The following DNAH5 variants were observed in gnomAD, a reference collection of about 807,000 sequenced individuals.
The protein encoded by DNAH5 is dynein axonemal heavy chain 5.
Under a neutral mutation model 518.2 loss-of-function variants are expected in DNAH5, and 372 were observed. The ratio of observed to expected loss-of-function variants is 0.72; its 90% CI spans 0.66 to 0.78. DNAH5 has a LOEUF of 0.78. Among genes scored for constraint, DNAH5 ranks in the 30% least tolerant of loss-of-function variants. The pLI is 0.00. For missense variants in DNAH5, 5,523 were observed against 5,687.0 expected, an observed-to-expected ratio of 0.97 and a Z score of 0.93; for synonymous variants, 2,039 against 2,025.9, an observed-to-expected ratio of 1.01 and a Z score of -0.17.
chr5:13,969,412 A>T (rs897401687), intron 1 of DNAH5, among the ~76,000 whole-genome samples: 4 of 151,924 alleles, frequency 2.6e-5, no homozygotes, highest in African/African-American at 9.7e-5. Flanking sequence ...ATCTTAGATT[A>T]TCTATTTGTG....
intron 68 of DNAH5, among the ~76,000 whole-genome samples, chr5:13,730,899 C>T (rs1746444829): frequency 6.6e-6 from 1 of 151,886 alleles, no homozygotes. Context: ...GGGGTTTCTC[C>T]ACGTTTGTCA....
chr5:13,912,033 T>C, intron 11 of DNAH5, among the ~76,000 whole-genome samples: 1 of 152,198 alleles, frequency 6.6e-6, no homozygotes, highest in East Asian at 1.9e-4. Flanking sequence ...AATTGTTTCC[T>C]ACTGCCCTGC....
rs576573475 is a variant in DNAH5, at chr5:13,903,490, A to G, written c.1645-1352T>C. 4.6e-5 allele frequency among the ~76,000 whole-genome samples: 7 copies of G among 152,196 alleles called. No individual in the cohort carries two copies. In the East Asian group the frequency reaches 9.6e-4, roughly 21 times the overall value. On this transcript the variant is annotated intron_variant, in intron 12 of 78. Coordinates refer to ENST00000265104, the MANE Select transcript of DNAH5 (RefSeq NM_001369.3). ...GAAGAAGCACATCAAATTCTGAACAAGAGAAATATGTTTTAATCACACCCA... is the reference window on the plus strand; with the variant it reads ...GAAGAAGCACATCAAATTCTGAACAGGAGAAATATGTTTTAATCACACCCA...
rs571482865 is a variant in DNAH5 at position 13,721,219 on chromosome 5, C to G, written c.12060G>C (p.Met4020Ile). 6.2e-6 allele frequency: 10 copies of G among 1,614,158 alleles called. No individual in the cohort carries two copies. The South Asian group carries it at 1.1e-4, about 18-fold the overall frequency. Reference protein sequence around the residue: ...AQARKYIVDSMGEKYAEGVIL... With the variant: ...AQARKYIVDSIGEKYAEGVIL... ...TAACACCTTCGGCATATTTTTCTCC[C>G]ATGGAGTCCACGATGTACTTGCGGG... The change falls in exon 71 of 79, where the codon ATG becomes ATC. Residue 4020 changes from methionine (M) to isoleucine (I), a missense_variant. By Grantham distance (10) the Met-to-Ile change is conservative (BLOSUM62 1). Transcript: ENST00000265104.
At chr5:13,740,634 A>G (rs904975839) in intron 65 of DNAH5, among the ~76,000 whole-genome samples, 1 of 151,778 alleles carries the variant, frequency 6.6e-6, no homozygotes, top group Non-Finnish European at 1.5e-5. Context: ...CTGCTATTCC[A>G]GGAAACATGC....
chr5:13,971,950 T>C (rs1380539993), intron 1 of DNAH5, among the ~76,000 whole-genome samples: 9 of 152,030 alleles, frequency 5.9e-5, no homozygotes, highest in East Asian at 5.8e-4. Flanking sequence ...TGGGGGGCAG[T>C]GTTAGGCGTG....
At chr5:13,706,581 G>A (rs13169414) in intron 76 of DNAH5, among the ~76,000 whole-genome samples, 63,294 of 152,066 alleles carry the variant, frequency 0.42, 13,290 homozygotes, top group Middle Eastern at 0.46. Context: ...GGGTGTGCAT[G>A]CACATCACAC....
rs1774191350 is a variant in DNAH5 at position 13,898,548 on chromosome 5, T to C, written c.2259+1658A>G. The C allele has an allele frequency of 7.5e-6, 3 of 398,578 alleles. No individual in the cohort carries two copies. In the East Asian group the frequency reaches 1.1e-4, roughly 14 times the overall value. 24.7% of individuals were successfully genotyped at this position (398,578 alleles called of 1,614,324 possible). A position where few individuals can be genotyped will look rare whatever the true frequency, so the allele number is the denominator to read the frequency against. On this transcript the variant is annotated intron_variant, in intron 15 of 78. Coordinates refer to ENST00000265104, the MANE Select transcript of DNAH5 (RefSeq NM_001369.3). ...GTGGGAAGACGATGGACTACAAGTC[T>C]GGGTTCTGGTCTTACTTCTGCCACT...
intron 1 of DNAH5, among the ~76,000 whole-genome samples, chr5:13,997,256 T>G (rs548274664): frequency 6.6e-6 from 1 of 152,372 alleles, no homozygotes; most frequent in African/African-American, 2.4e-5. Context: ...CTTTTCATAT[T>G]TTATTATAAG....
chr5:13,976,722 C>T (rs113475672), intron 1 of DNAH5, among the ~76,000 whole-genome samples: 9 of 131,494 alleles, frequency 6.8e-5, no homozygotes, highest in African/African-American at 2.9e-4. Flanking sequence ...CACACACACA[C>T]ATACACACAC....
At position 13,854,342 on chromosome 5, in the gene DNAH5, C is replaced by A. The variant is rs562707634; in HGVS notation, c.4951-3527G>T. 2.0e-5 allele frequency among the ~76,000 whole-genome samples: 3 copies of A among 152,266 alleles called. No homozygotes were observed. In the South Asian group the frequency reaches 6.2e-4, roughly 32 times the overall value. ...GATGAGGGACTTTGTCAGCACCAGG[C>A]CTGCCTTACAAGAGCTCCTGAAGGA... On this transcript the variant is annotated intron_variant, in intron 30 of 78. Coordinates refer to ENST00000265104, the MANE Select transcript of DNAH5 (RefSeq NM_001369.3).
chr5:13,818,513 C>T lies in DNAH5; in HGVS notation c.6842-819G>A, dbSNP rs184551074. 1.4e-4 allele frequency among the ~76,000 whole-genome samples: 21 copies of T among 152,350 alleles called. No individual in the cohort carries two copies. The East Asian group carries it at 3.5e-3, about 25-fold the overall frequency. The stretch of plus-strand genomic sequence containing the variant: ...TATATCATGTTCTCTCCAATCCCTC[C>T]TACTGACACAGACTCTTTTTTTCTG... On this transcript the variant is annotated intron_variant, in intron 41 of 78. Coordinates refer to ENST00000265104, the MANE Select transcript of DNAH5 (RefSeq NM_001369.3).
chr5:13,934,747 G>A (rs1778758921), intron 1 of DNAH5, among the ~76,000 whole-genome samples: 1 of 152,138 alleles, frequency 6.6e-6, no homozygotes, highest in South Asian at 2.1e-4. Context: ...TGAACTTGAA[G>A]GACTACCTAT....
intron 73 of DNAH5, 50 bp from the exon 74 acceptor site, chr5:13,716,740 T>G: frequency 7.6e-7 from 1 of 1,314,678 alleles, no homozygotes; most frequent in Non-Finnish European, 1.1e-6. Flanking sequence ...CGTTGCATTA[T>G]TATTTCCCTG....
chr5:13,959,983 C>T (rs1781055987), intron 1 of DNAH5, among the ~76,000 whole-genome samples: 1 of 151,940 alleles, frequency 6.6e-6, no homozygotes, highest in South Asian at 2.1e-4. Flanking sequence ...AAAAAGATTC[C>T]TCATGACTGA....
intron 21 of DNAH5, among the ~76,000 whole-genome samples, chr5:13,879,849 G>C (rs938552286): frequency 5.4e-5 from 8 of 148,782 alleles, no homozygotes; most frequent in Admixed American, 4.7e-4. Context: ...ATGCATTATT[G>C]GCTTGCCAGA....
At chr5:13,775,812 T>C (rs1754007657) in intron 55 of DNAH5, among the ~76,000 whole-genome samples, 1 of 152,130 alleles carries the variant, frequency 6.6e-6, no homozygotes, top group Admixed American at 6.6e-5. Context: ...ACTTGTAAGG[T>C]ATTACTGGAA....
chr5:14,004,330 G>A (rs939311508), intron 1 of DNAH5, among the ~76,000 whole-genome samples: 1 of 152,158 alleles, frequency 6.6e-6, no homozygotes, highest in African/African-American at 2.4e-5. Context: ...TGAGCTGCGG[G>A]CTAGCTAATT....
intron 29 of DNAH5, chr5:13,860,447 ACT>A (rs1416359826): frequency 1.3e-5 from 2 of 152,090 alleles, no homozygotes; most frequent in Non-Finnish European, 2.9e-5. Context: ...ACGTACAGAG[ACT>A]CTGATTCAAT....
Sources: gnomAD v4.1 joint callset for allele counts (sites outside exome capture counted in the v4.1 genomes callset) on GRCh38, gnomAD v4.1.1 for gene constraint, MANE v1.5 for transcripts, NCBI Gene and HGNC (gene_info 2026-07-23, HGNC 2026-07-21) for gene names.